Variants in CTNNA2 observed in about 807,000 individuals in gnomAD.
CTNNA2 encodes catenin alpha-2.
Under a neutral mutation model 101.0 loss-of-function variants are expected in CTNNA2, and 42 were observed. The observed-to-expected ratio is 0.42, with a 90% CI of 0.32 to 0.54. CTNNA2 has a LOEUF of 0.54. Among genes scored for constraint, CTNNA2 ranks in the 20% least tolerant of loss-of-function variants. The pLI, the probability that CTNNA2 is intolerant of heterozygous loss-of-function variation, is 0.14. For synonymous variants in CTNNA2, 450 were observed against 456.4 expected, an observed-to-expected ratio of 0.99 and a Z score of 0.18; for missense variants, 871 against 1,223.1, an observed-to-expected ratio of 0.71 and a Z score of 4.29.
chr2:79,470,026 C>G lies in CTNNA2; in HGVS notation c.-134-35028C>G, dbSNP rs374669239. Among the ~76,000 whole-genome samples, 13 of 152,106 alleles carry G rather than the reference C, an allele frequency of 8.5e-5. No homozygotes were observed. In the South Asian group the frequency reaches 2.7e-3, roughly 32 times the overall value. ...TTCAACATAGTGTTGGAAGTTCTGGCTAGGGCAGTCAGGCAGGAGAAGGAA... is the reference window on the plus strand; with the variant it reads ...TTCAACATAGTGTTGGAAGTTCTGGGTAGGGCAGTCAGGCAGGAGAAGGAA... On this transcript the variant is annotated intron_variant, in intron 4 of 21. Transcript: ENST00000466387.
intron 3 of CTNNA2, among the ~76,000 whole-genome samples, chr2:79,349,148 G>A (rs981975080): frequency 6.6e-6 from 1 of 152,194 alleles, no homozygotes; most frequent in African/African-American, 2.4e-5. Flanking sequence ...TGATTGCACA[G>A]TGGGTGATAT....
chr2:80,177,417 A>G (rs968301345), intron 7 of CTNNA2, among the ~76,000 whole-genome samples: 1 of 152,178 alleles, frequency 6.6e-6, no homozygotes, highest in African/African-American at 2.4e-5. Flanking sequence ...TGATTACCCA[A>G]GGAATGTTGC....
At chr2:79,706,845 A>G (rs1046471989) in intron 2 of CTNNA2, among the ~76,000 whole-genome samples, 1 of 152,044 alleles carries the variant, frequency 6.6e-6, no homozygotes. Flanking sequence ...TTCTTACTTT[A>G]TTTCTTTGAA....
chr2:79,996,914 A>T (rs1231363931), intron 7 of CTNNA2, among the ~76,000 whole-genome samples: 1 of 152,092 alleles, frequency 6.6e-6, no homozygotes, highest in Non-Finnish European at 1.5e-5. Context: ...GAGAGTCGTG[A>T]TCAGTTGGCT....
chr2:79,295,564 T>A (rs1410300909), intron 2 of CTNNA2, among the ~76,000 whole-genome samples: 1 of 152,052 alleles, frequency 6.6e-6, no homozygotes, highest in Middle Eastern at 3.4e-3. Context: ...CCTCACAAAC[T>A]TTTTTTGTCC....
intron 1 of CTNNA2, chr2:79,547,223 A>G (rs535325835): frequency 6.6e-6 from 1 of 152,206 alleles, no homozygotes; most frequent in East Asian, 1.9e-4. Context: ...TATTCAGTAT[A>G]TTAGTGAGTG....
intron 7 of CTNNA2, among the ~76,000 whole-genome samples, chr2:80,347,738 G>T (rs141962304): frequency 5.5e-4 from 84 of 152,104 alleles, no homozygotes; most frequent in African/African-American, 2.0e-3. Context: ...TACCCTAGAA[G>T]CTTTTTGGAA....
At chr2:80,441,174 A>G (rs1033170444) in intron 9 of CTNNA2, among the ~76,000 whole-genome samples, 2 of 152,222 alleles carry the variant, frequency 1.3e-5, no homozygotes, top group Non-Finnish European at 2.9e-5. Flanking sequence ...GGAAGGAGAA[A>G]GAGCCAGGAT....
chr2:79,469,010 G>A (rs1275515822), intron 4 of CTNNA2, among the ~76,000 whole-genome samples: 1 of 150,576 alleles, frequency 6.6e-6, no homozygotes, highest in African/African-American at 2.4e-5. Flanking sequence ...GCTAGCAGAA[G>A]GCAAGAAATA....
At chr2:80,331,243 C>T (rs991501469) in intron 7 of CTNNA2, among the ~76,000 whole-genome samples, 7 of 152,118 alleles carry the variant, frequency 4.6e-5, no homozygotes, top group South Asian at 4.1e-4. Context: ...ATCGGGCATG[C>T]GGTACCACGC....
chr2:79,927,652 T>G (rs1164999912), intron 7 of CTNNA2, among the ~76,000 whole-genome samples: 1 of 152,210 alleles, frequency 6.6e-6, no homozygotes, highest in Non-Finnish European at 1.5e-5. Flanking sequence ...ATTGACAATA[T>G]TTTTTGAAGA....
chr2:79,838,499 T>C (rs1574098307), intron 3 of CTNNA2, among the ~76,000 whole-genome samples: 2 of 152,232 alleles, frequency 1.3e-5, no homozygotes, highest in African/African-American at 4.8e-5. Context: ...GAGTGATAAT[T>C]GGTAGAGTTA....
intron 7 of CTNNA2, among the ~76,000 whole-genome samples, chr2:79,910,642 A>G (rs532762296): frequency 1.3e-5 from 2 of 152,286 alleles, no homozygotes; most frequent in East Asian, 1.9e-4. Flanking sequence ...TGAGGTCTCG[A>G]TATTACATTT....
intron 2 of CTNNA2, among the ~76,000 whole-genome samples, chr2:79,201,471 G>C (rs982310079): frequency 6.6e-6 from 1 of 152,026 alleles, no homozygotes. Flanking sequence ...AAATGAGCTC[G>C]AATTCCAGAA....
At chr2:79,852,832 C>T (rs775687993) in intron 3 of CTNNA2, among the ~76,000 whole-genome samples, 1 of 152,136 alleles carries the variant, frequency 6.6e-6, no homozygotes, top group Non-Finnish European at 1.5e-5. Flanking sequence ...CCTTGTGATC[C>T]AACCGCCTCA....
At chr2:80,142,406 C>T (rs2148912335) in intron 7 of CTNNA2, among the ~76,000 whole-genome samples, 1 of 152,204 alleles carries the variant, frequency 6.6e-6, no homozygotes, top group Non-Finnish European at 1.5e-5. Flanking sequence ...CAGACCCCAG[C>T]TTGGTTTGAT....
intron 7 of CTNNA2, among the ~76,000 whole-genome samples, chr2:80,333,614 C>A (rs1170797480): frequency 6.6e-6 from 1 of 152,124 alleles, no homozygotes; most frequent in Non-Finnish European, 1.5e-5. Context: ...CCAGCCACCA[C>A]CTTTTTTTTC....
intron 7 of CTNNA2, among the ~76,000 whole-genome samples, chr2:80,105,282 T>C (rs776604052): frequency 4.3e-4 from 65 of 152,330 alleles, no homozygotes; most frequent in Non-Finnish European, 7.3e-4. Context: ...TGATACTATA[T>C]GCAGTCCTAA....
chr2:80,134,470 G>A (rs751243192), intron 7 of CTNNA2, among the ~76,000 whole-genome samples: 6 of 152,112 alleles, frequency 3.9e-5, no homozygotes, highest in Non-Finnish European at 7.4e-5. Flanking sequence ...CCTTCCAGGG[G>A]GGTTTGCAGA....
Sources: gnomAD v4.1 joint callset for allele counts (sites outside exome capture counted in the v4.1 genomes callset) on GRCh38, gnomAD v4.1.1 for gene constraint, MANE v1.5 for transcripts, NCBI Gene and HGNC (gene_info 2026-07-23, HGNC 2026-07-21) for gene names.